Variants in XKR4 observed in about 807,000 individuals in gnomAD.
XKR4 encodes XK related 4.
A neutral mutation model predicts 53.9 loss-of-function variants in XKR4; 12 were observed. The ratio of observed to expected loss-of-function variants is 0.22; its 90% CI spans 0.14 to 0.36. XKR4 has a LOEUF of 0.36. Ranked by LOEUF, XKR4 falls within the 10% of genes least tolerant of loss-of-function variation. The pLI, the probability that XKR4 is intolerant of heterozygous loss-of-function variation, is 1.00. For synonymous variants in XKR4, 354 were observed against 362.4 expected (o/e 0.98, Z 0.26); for missense variants, 799 against 859.5 (o/e 0.93, Z 0.88).
chr8:55,328,183 G>A (rs927249149), intron 1 of XKR4, among the ~76,000 whole-genome samples: 8 of 152,134 alleles, frequency 5.3e-5, no homozygotes, highest in African/African-American at 1.2e-4. Flanking sequence ...CCCTTGACAC[G>A]TGGAGGTTAC....
At chr8:55,180,433 T>C (rs1817292254) in intron 1 of XKR4, among the ~76,000 whole-genome samples, 1 of 152,234 alleles carries the variant, frequency 6.6e-6, no homozygotes, top group African/African-American at 2.4e-5. Context: ...TCATTCCCTA[T>C]GTATCTTCTC....
chr8:55,478,834 C>T (rs868345821), intron 2 of XKR4, among the ~76,000 whole-genome samples: 1 of 152,036 alleles, frequency 6.6e-6, no homozygotes, highest in African/African-American at 2.4e-5. Flanking sequence ...GGGATCAATT[C>T]AACAAGAAGA....
At chr8:55,134,594 A>G (rs1198679646) in intron 1 of XKR4, among the ~76,000 whole-genome samples, 1 of 152,216 alleles carries the variant, frequency 6.6e-6, no homozygotes, top group Admixed American at 6.5e-5. Context: ...GGGAAGAGAG[A>G]CATGGGGTGG....
At chr8:55,401,338 T>C (rs1227939118) in intron 2 of XKR4, among the ~76,000 whole-genome samples, 2 of 152,244 alleles carry the variant, frequency 1.3e-5, no homozygotes, top group Non-Finnish European at 2.9e-5. Context: ...ATGATGGTTA[T>C]CATGAATCTT....
At chr8:55,130,887 C>T (rs921992388) in intron 1 of XKR4, among the ~76,000 whole-genome samples, 9 of 151,992 alleles carry the variant, frequency 5.9e-5, no homozygotes, top group Non-Finnish European at 4.4e-5. Flanking sequence ...CAGACTCTTG[C>T]GGTGGCTCAC....
chr8:55,358,414 AT>A (rs1350190504), intron 2 of XKR4, among the ~76,000 whole-genome samples: 1 of 151,028 alleles, frequency 6.6e-6, no homozygotes, highest in African/African-American at 2.4e-5. Flanking sequence ...GAAAAAAAAA[AT>A]TTGTGAATGT....
At chr8:55,364,878 G>C (rs113188212) in intron 2 of XKR4, among the ~76,000 whole-genome samples, 23 of 152,034 alleles carry the variant, frequency 1.5e-4, no homozygotes, top group African/African-American at 5.3e-4. Flanking sequence ...TGCCCACCTC[G>C]GCCACCCAAA....
At chr8:55,347,162 A>T (rs1803661350) in intron 1 of XKR4, among the ~76,000 whole-genome samples, 1 of 152,194 alleles carries the variant, frequency 6.6e-6, no homozygotes, top group Admixed American at 6.5e-5. Flanking sequence ...CAGATGTTTG[A>T]GATTTCCCTG....
chr8:55,478,531 C>T (rs1039678277), intron 2 of XKR4, among the ~76,000 whole-genome samples: 7 of 151,872 alleles, frequency 4.6e-5, no homozygotes, highest in African/African-American at 7.3e-5. Context: ...AATGACAGGA[C>T]CAACTCCACA....
At chr8:55,471,048 C>G (rs913054478) in intron 2 of XKR4, among the ~76,000 whole-genome samples, 2 of 151,972 alleles carry the variant, frequency 1.3e-5, no homozygotes, top group African/African-American at 4.8e-5. Context: ...TAGAGTTGCA[C>G]CATCCAGTAC....
At chr8:55,454,602 C>T in intron 2 of XKR4, 1 of 1,380,322 alleles carries the variant, frequency 7.2e-7, no homozygotes. Context: ...CACCAGCCCC[C>T]AAATAAATCG....
At chr8:55,450,158 T>G in intron 2 of XKR4, 1 of 674,864 alleles carries the variant, frequency 1.5e-6, no homozygotes, top group Non-Finnish European at 2.7e-6. Flanking sequence ...AGGCGTGAGA[T>G]GGCGTCAGGC....
In XKR4 at chr8:55,109,135, C is replaced by T. The variant is rs1484741375; in HGVS notation, c.806+5841C>T. On this transcript the variant is annotated intron_variant, in intron 1 of 2. Coordinates refer to ENST00000327381, the MANE Select transcript of XKR4 (RefSeq NM_052898.2). Reference sequence around the variant, plus strand: ...TGGAAGGAAGAAGTTTTTTAGTAGTCGAAGATATTTGCAGATCAACTGGGC... The same window carrying T: ...TGGAAGGAAGAAGTTTTTTAGTAGTTGAAGATATTTGCAGATCAACTGGGC... 2.0e-5 allele frequency among the ~76,000 whole-genome samples: 3 copies of T among 152,114 alleles called. No individual in the cohort carries two copies. In the East Asian group the frequency reaches 5.8e-4, roughly 29 times the overall value.
chr8:55,231,850 AG>A (rs1818045591), intron 1 of XKR4, among the ~76,000 whole-genome samples: 1 of 152,156 alleles, frequency 6.6e-6, no homozygotes, highest in Non-Finnish European at 1.5e-5. Flanking sequence ...TAAATTGGAG[AG>A]ATTCCCTACC....
intron 1 of XKR4, chr8:55,142,475 G>C (rs572882690): frequency 6.0e-6 from 1 of 167,206 alleles, no homozygotes; most frequent in African/African-American, 2.3e-5. Context: ...CCACATGCAG[G>C]CCAAGAACAT....
intron 1 of XKR4, among the ~76,000 whole-genome samples, chr8:55,259,844 C>G (rs753695323): frequency 1.3e-5 from 2 of 152,102 alleles, no homozygotes. Context: ...TTCCTTCTGG[C>G]CTTTATTCAA....
intron 2 of XKR4, among the ~76,000 whole-genome samples, chr8:55,464,629 A>G (rs972018726): frequency 7.0e-6 from 1 of 141,918 alleles, no homozygotes; most frequent in Non-Finnish European, 1.5e-5. Context: ...CTGGAAGTTC[A>G]GGCCAGGGCA....
intron 2 of XKR4, among the ~76,000 whole-genome samples, chr8:55,512,155 G>A (rs1196277080): frequency 6.6e-6 from 1 of 152,122 alleles, no homozygotes; most frequent in Non-Finnish European, 1.5e-5. Flanking sequence ...GCATCCTCTA[G>A]AGCTCCACAG....
chr8:55,181,749 T>C (rs1817313565), intron 1 of XKR4, among the ~76,000 whole-genome samples: 2 of 152,062 alleles, frequency 1.3e-5, no homozygotes, highest in African/African-American at 4.8e-5. Context: ...GACTTCGAGG[T>C]TGACTTCATG....
Sources: gnomAD v4.1 joint callset for allele counts (sites outside exome capture counted in the v4.1 genomes callset) on GRCh38, gnomAD v4.1.1 for gene constraint, MANE v1.5 for transcripts, NCBI Gene and HGNC (gene_info 2026-07-23, HGNC 2026-07-21) for gene names.